CNBD1: variants seen among roughly 807,000 people sequenced by gnomAD.
CNBD1 encodes cyclic nucleotide-binding domain-containing protein 1.
Under a neutral mutation model 54.4 loss-of-function variants are expected in CNBD1, and 71 were observed. That is an observed-to-expected ratio of 1.30 (90% CI 1.08 to 1.59). The LOEUF (loss-of-function observed/expected upper bound fraction) is 1.59, where lower values mean the gene tolerates loss of function less well. CNBD1 is among the 40% of genes most tolerant of loss of function. CNBD1 has a pLI of 0.00. For synonymous variants in CNBD1, 182 were observed against 170.7 expected, an observed-to-expected ratio of 1.07 and a Z score of -0.51; for missense variants, 659 against 518.0, an observed-to-expected ratio of 1.27 and a Z score of -2.64.
At chr8:87,228,102 A>C (rs1563515257) in intron 5 of CNBD1, among the ~76,000 whole-genome samples, 2 of 151,100 alleles carry the variant, frequency 1.3e-5, no homozygotes, top group South Asian at 2.1e-4. Flanking sequence ...CAGCTCCTTT[A>C]AGCACTTCTC....
At chr8:87,349,126 CTT>C (rs1255125741) in intron 8 of CNBD1, among the ~76,000 whole-genome samples, 1 of 151,998 alleles carries the variant, frequency 6.6e-6, no homozygotes, top group African/African-American at 2.4e-5. Flanking sequence ...ATGATTAAGT[CTT>C]TTCATTTAAA....
At chr8:87,385,812 C>A (rs1438403656), downstream of CNBD1, among the ~76,000 whole-genome samples, 1 of 152,184 alleles carries the variant, frequency 6.6e-6, no homozygotes, top group Non-Finnish European at 1.5e-5. Context: ...AACGGACAGA[C>A]TGCCTCCTCA....
chr8:87,221,491 T>C (rs1814338444), intron 5 of CNBD1, among the ~76,000 whole-genome samples: 2 of 152,074 alleles, frequency 1.3e-5, no homozygotes, highest in Admixed American at 6.6e-5. Flanking sequence ...TATTTTTCCT[T>C]CCATATCTGT....
chr8:86,955,626 A>G (rs532703339), intron 4 of CNBD1, among the ~76,000 whole-genome samples: 93 of 152,288 alleles, frequency 6.1e-4, no homozygotes, highest in African/African-American at 2.1e-3. Flanking sequence ...CTGCATAAAT[A>G]TCTTCTTTTG....
intron 4 of CNBD1, among the ~76,000 whole-genome samples, chr8:87,039,629 A>G (rs1302253638): frequency 1.3e-5 from 2 of 152,228 alleles, no homozygotes. Flanking sequence ...TTATTGAGAT[A>G]GGGGAATTGC....
intron 8 of CNBD1, among the ~76,000 whole-genome samples, chr8:87,292,184 A>G (rs1808800052): frequency 6.6e-6 from 1 of 152,182 alleles, no homozygotes; most frequent in African/African-American, 2.4e-5. Flanking sequence ...CTTTGAGTAG[A>G]TGTTTTACAG....
intron 4 of CNBD1, among the ~76,000 whole-genome samples, chr8:86,992,835 T>C (rs1289998583): frequency 6.6e-6 from 1 of 152,166 alleles, no homozygotes; most frequent in Non-Finnish European, 1.5e-5. Flanking sequence ...TCTGATTGGG[T>C]CCCCTTCGTA....
chr8:87,218,658 A>T (rs1044385663), intron 5 of CNBD1, among the ~76,000 whole-genome samples: 2 of 151,986 alleles, frequency 1.3e-5, no homozygotes, highest in Admixed American at 1.3e-4. Flanking sequence ...ATTTCCTCTT[A>T]TATGTTGGCT....
At chr8:87,059,176 A>G (rs1268894221) in intron 4 of CNBD1, among the ~76,000 whole-genome samples, 2 of 152,200 alleles carry the variant, frequency 1.3e-5, no homozygotes, top group South Asian at 2.1e-4. Flanking sequence ...TATTGTCCAT[A>G]TCACTGTTAG....
At chr8:86,963,451 G>T (rs561275669) in intron 4 of CNBD1, among the ~76,000 whole-genome samples, 1 of 152,138 alleles carries the variant, frequency 6.6e-6, no homozygotes, top group Non-Finnish European at 1.5e-5. Flanking sequence ...GGAGAAAAAG[G>T]TGCCTCAGGG....
chr8:87,354,601 C>T (rs193023251), intron 10 of CNBD1, among the ~76,000 whole-genome samples: 76 of 151,970 alleles, frequency 5.0e-4, no homozygotes, highest in Middle Eastern at 3.4e-3. Flanking sequence ...GTTCCCCTTC[C>T]TGTGTCCATG....
intron 4 of CNBD1, among the ~76,000 whole-genome samples, chr8:87,171,720 C>A (rs956369144): frequency 4.0e-5 from 6 of 151,716 alleles, no homozygotes; most frequent in Non-Finnish European, 7.4e-5. Context: ...CTCACTGAAA[C>A]CTTCATCTCC....
intron 4 of CNBD1, among the ~76,000 whole-genome samples, chr8:87,074,100 CAAA>C (rs34907275): frequency 9.3e-5 from 10 of 107,014 alleles, no homozygotes; most frequent in Admixed American, 9.6e-5. Context: ...GACTCCATCT[CAAA>C]AAAAAAAAAA....
intron 2 of CNBD1, among the ~76,000 whole-genome samples, chr8:87,420,869 G>A (rs992688039): frequency 2.0e-4 from 31 of 151,512 alleles, no homozygotes; most frequent in Admixed American, 1.3e-4. Context: ...GAATTATAAG[G>A]CCATGTCTTA....
chr8:87,420,742 T>C (rs1442906002), intron 2 of CNBD1, among the ~76,000 whole-genome samples: 1 of 152,058 alleles, frequency 6.6e-6, no homozygotes, highest in African/African-American at 2.4e-5. Context: ...CATGTTACTT[T>C]CCCTGCTATA....
intron 4 of CNBD1, among the ~76,000 whole-genome samples, chr8:87,049,636 C>G (rs1485600222): frequency 6.6e-6 from 1 of 152,148 alleles, no homozygotes; most frequent in African/African-American, 2.4e-5. Flanking sequence ...GTTTGTACTA[C>G]TATCTGTTCA....
intron 6 of CNBD1, among the ~76,000 whole-genome samples, chr8:87,249,849 T>G (rs2130838067): frequency 6.6e-6 from 1 of 152,256 alleles, no homozygotes; most frequent in South Asian, 2.1e-4. Flanking sequence ...ACCCTTGAAC[T>G]TAAATATAAA....
chr8:87,237,298 C>T (rs538269843), intron 6 of CNBD1, 186 bp downstream of exon 6: 3 of 401,952 alleles, frequency 7.5e-6, no homozygotes, highest in Non-Finnish European at 1.3e-5. Flanking sequence ...ATAAAGGATG[C>T]CTTCAACAGC....
At chr8:87,265,013 C>T (rs926340159) in intron 6 of CNBD1, among the ~76,000 whole-genome samples, 72 of 152,042 alleles carry the variant, frequency 4.7e-4, no homozygotes, top group Non-Finnish European at 9.1e-4. Context: ...AATTAGATCC[C>T]CTTTGTCAAT....
Sources: allele counts gnomAD v4.1 joint callset (sites outside exome capture counted in the v4.1 genomes callset), GRCh38; gene constraint gnomAD v4.1.1; transcripts MANE v1.5; gene names NCBI Gene and HGNC (gene_info 2026-07-23, HGNC 2026-07-21).